The following NLRP1 variants were observed in gnomAD, a reference collection of about 807,000 sequenced individuals.
NLRP1 encodes NACHT, LRR and PYD domains-containing protein 1.
Under a neutral mutation model 136.7 loss-of-function variants are expected in NLRP1, and 94 were observed. The ratio of observed to expected loss-of-function variants is 0.69; its 90% CI spans 0.58 to 0.82. NLRP1 has a LOEUF of 0.82. Among genes scored for constraint, NLRP1 ranks in the 40% least tolerant of loss-of-function variants. The pLI, the probability that NLRP1 is intolerant of heterozygous loss-of-function variation, is 0.00. For missense variants in NLRP1, 1,575 were observed against 1,802.7 expected (o/e 0.87, Z 2.29); for synonymous variants, 690 against 725.1 (o/e 0.95, Z 0.78).
intron 5 of NLRP1, among the ~76,000 whole-genome samples, chr17:5,545,513 TACACACACAG>T (rs1412876145): frequency 2.8e-5 from 3 of 108,576 alleles, no homozygotes; most frequent in Non-Finnish European, 3.9e-5. Flanking sequence ...CACACACACA[TACACACACAG>T]ACACAGACAC....
rs1911872704 is a variant in NLRP1, at chr17:5,541,601, GC to G, written c.2699+255del. 6.6e-6 allele frequency among the ~76,000 whole-genome samples: 1 copy of G among 152,124 alleles called. No homozygotes were observed. Among genetic ancestry groups the G allele is most frequent in the Non-Finnish European group, 1.5e-5 (1 of 68,028 alleles). On this transcript the variant is annotated intron_variant, in intron 6 of 16. Transcript: ENST00000572272. This position sits in a 1 kb window ranked among gnomAD's most constrained non-coding sequence, Gnocchi z 4.2. ...GTCTGTGAAAATGGCCACAAATTCTGCCCCCTGTCCCCACCTTGCATTCACG... is the reference window on the plus strand; with the variant it reads ...GTCTGTGAAAATGGCCACAAATTCTGCCCCTGTCCCCACCTTGCATTCACG...
chr17:5,573,152 G>A (rs1364283614), intron 3 of NLRP1, among the ~76,000 whole-genome samples: 2 of 152,290 alleles, frequency 1.3e-5, no homozygotes, highest in East Asian at 1.9e-4. Flanking sequence ...CTTTGCAAAC[G>A]GCACACCAGG....
chr17:5,552,621 C>T (rs1172255759), intron 5 of NLRP1, among the ~76,000 whole-genome samples: 1 of 152,120 alleles, frequency 6.6e-6, no homozygotes. Context: ...TTGATATCTT[C>T]CTCTTCCTTT....
At chr17:5,530,413 T>C (rs1910092798) in intron 12 of NLRP1, 68 bp downstream of exon 12, 3 of 1,422,152 alleles carry the variant, frequency 2.1e-6, no homozygotes, top group Non-Finnish European at 3.0e-6. Flanking sequence ...CAGGAGATTA[T>C]CATTCTACAC....
Position 5,559,941 on chromosome 17 carries a change from T to C in NLRP1, c.755A>G (p.His252Arg), listed in dbSNP as rs1914536759. 1.2e-6 allele frequency: 2 copies of C among 1,614,184 alleles called. No homozygotes were observed. The highest frequency in any genetic ancestry group is 2.2e-5 in the East Asian group (1 of 44,878). ...PQAHTSLQPH[H>R]HPWEPSVRES... ...TCTCACAGAAGGCTCCCATGGGTGG[T>C]GGTGGGGCTGTAGGCTGGTGTGCGC... Residue 252 changes from histidine (H) to arginine (R), a missense_variant, in exon 4 of 17, where the codon CAC becomes CGC. His to Arg is a conservative substitution (Grantham distance 29). Transcript: ENST00000572272.
chr17:5,515,241 C>T (rs376133580), intron 16 of NLRP1, among the ~76,000 whole-genome samples, 168 bp from the exon 17 acceptor site: 16 of 152,202 alleles, frequency 1.1e-4, no homozygotes, highest in East Asian at 3.9e-4. Context: ...GAGTGGGGAT[C>T]GGGAGTGGGG....
In NLRP1 at chr17:5,531,381, A is replaced by T. The variant is rs144157288; in HGVS notation, c.3297-677T>A. Among the ~76,000 whole-genome samples, 312 of 152,130 alleles carry T rather than the reference A, an allele frequency of 2.1e-3. 2 individuals are homozygous for T. The highest frequency in any genetic ancestry group is 7.3e-3 in the African/African-American group (304 of 41,498). On this transcript the variant is annotated intron_variant, in intron 11 of 16. Coordinates refer to ENST00000572272, the MANE Select transcript of NLRP1 (RefSeq NM_033004.4). ...CAGGTACATGTCACCACGTCCAGCT[A>T]ATTTTTTTGGTAATTTTTGTAGACA...
At position 5,584,123 on chromosome 17, in the gene NLRP1, G is replaced by A; in HGVS notation, c.-166C>T. ...GGGCACCTACAGATAGACGCCGATAGAGGGGGAGTGGTAGGAAAAGCCAGG... is the reference window on the plus strand; with the variant it reads ...GGGCACCTACAGATAGACGCCGATAAAGGGGGAGTGGTAGGAAAAGCCAGG... On this transcript the variant is annotated 5_prime_UTR_variant, in exon 1 of 17. Coordinates refer to ENST00000572272, the MANE Select transcript of NLRP1 (RefSeq NM_033004.4). 1 of 673,942 alleles carries A rather than the reference G, an allele frequency of 1.5e-6. No homozygotes were observed. The highest frequency in any genetic ancestry group is 2.5e-6 in the Non-Finnish European group (1 of 405,126). The allele number at this position is 673,942 out of a possible 1,614,324, so 41.7% of individuals were successfully genotyped here. A position where few individuals can be genotyped will look rare whatever the true frequency, so the allele number is the denominator to read the frequency against.
At chr17:5,581,709 G>T (rs1048111718) in intron 3 of NLRP1, 150 bp downstream of exon 3, 43 of 743,180 alleles carry the variant, frequency 5.8e-5, no homozygotes, top group East Asian at 1.5e-4. Context: ...GACCAGTGGA[G>T]AGGCTCCAAG....
intron 4 of NLRP1, among the ~76,000 whole-genome samples, chr17:5,557,310 A>T (rs1206002564): frequency 5.4e-5 from 8 of 147,528 alleles, no homozygotes; most frequent in Admixed American, 4.1e-4. Flanking sequence ...CAGCCTACAT[A>T]TCTTTTTTTT....
At chr17:5,574,689 T>G (rs1597482018) in intron 3 of NLRP1, among the ~76,000 whole-genome samples, 1 of 141,368 alleles carries the variant, frequency 7.1e-6, no homozygotes, top group Non-Finnish European at 1.5e-5. Context: ...TGAGATGGAG[T>G]CTCGCTCTGT....
At chr17:5,518,479 C>T (rs1458929629) in intron 14 of NLRP1, 2 of 152,268 alleles carry the variant, frequency 1.3e-5, no homozygotes, top group Non-Finnish European at 2.9e-5. Flanking sequence ...TTTTCTCCAT[C>T]TCCCTCGCTA....
chr17:5,575,431 C>G (rs1231119830), intron 3 of NLRP1, among the ~76,000 whole-genome samples: 1 of 152,096 alleles, frequency 6.6e-6, no homozygotes, highest in African/African-American at 2.4e-5. Context: ...GGAGGAAGAT[C>G]TACCAAGCAA....
intron 15 of NLRP1, 76 bp from the exon 16 acceptor site, chr17:5,515,593 C>T (rs1908003345): frequency 8.9e-7 from 1 of 1,119,592 alleles, no homozygotes; most frequent in Middle Eastern, 1.9e-4. Context: ...CTCCAAGCTC[C>T]CACTCACTTC....
Position 5,583,831 on chromosome 17 carries a change from C to A in NLRP1, c.127G>T (p.Ala43Ser). The A allele has an allele frequency of 6.4e-7, 1 of 1,566,080 alleles. No homozygotes were observed. The highest frequency in any genetic ancestry group is 8.7e-7 in the Non-Finnish European group (1 of 1,153,886). The change falls in exon 1 of 17, where the codon GCT becomes TCT. Residue 43 changes from alanine (A) to serine (S), a missense_variant. Coordinates refer to ENST00000572272, the MANE Select transcript of NLRP1 (RefSeq NM_033004.4). This position sits in a 1 kb window ranked among gnomAD's most constrained non-coding sequence, Gnocchi z 4.5. ...HSRSSSGETP[A>S]QPEKTSGMEV... ...ATGCCACTCGTCTTCTCTGGCTGAG[C>A]GGGTGTCTCACCCGAAGAGCTCCTG...
chr17:5,523,090 CAG>C (rs931323131), intron 12 of NLRP1, among the ~76,000 whole-genome samples: 1 of 152,010 alleles, frequency 6.6e-6, no homozygotes, highest in East Asian at 1.9e-4. Context: ...GAAACAGATG[CAG>C]AGAGAGAGAA....
chr17:5,536,767 G>A, intron 8 of NLRP1, 84 bp downstream of exon 8: 2 of 945,068 alleles, frequency 2.1e-6, no homozygotes, highest in South Asian at 2.7e-5. Context: ...GGCTGTGTTT[G>A]TCTCTCACCC....
Position 5,559,464 on chromosome 17 carries a change from C to G in NLRP1, c.1232G>C (p.Gly411Ala). The part of the protein sequence containing the change: ...RPERLLFILD[G>A]VDEPGWVLQE... ...CAAGACCCATCCTGGCTCATCTACA[C>G]CATCGAGGATGAAGAGCAGCCGCTC... is the stretch of plus-strand genomic sequence containing the variant. The change falls in exon 4 of 17, where the codon GGT becomes GCT. Residue 411 changes from glycine (G) to alanine (A), a missense_variant. Coordinates refer to ENST00000572272, the MANE Select transcript of NLRP1 (RefSeq NM_033004.4). 1 of 1,614,218 alleles carries G rather than the reference C, an allele frequency of 6.2e-7. No homozygotes were observed. The highest frequency in any genetic ancestry group is 8.5e-7 in the Non-Finnish European group (1 of 1,180,018).
At chr17:5,532,800 C>A in intron 11 of NLRP1, 22 bp downstream of exon 11, 1 of 1,568,994 alleles carries the variant, frequency 6.4e-7, no homozygotes, top group Non-Finnish European at 8.6e-7. Context: ...CAGCCTGGGA[C>A]CAGCAGAGCC....
Sources: allele counts gnomAD v4.1 joint callset (sites outside exome capture counted in the v4.1 genomes callset), GRCh38; gene constraint gnomAD v4.1.1; non-coding constraint Gnocchi (gnomAD v3.1); transcripts MANE v1.5; gene names NCBI Gene and HGNC (gene_info 2026-07-23, HGNC 2026-07-21).